The following TP53BP2 variants were observed in gnomAD, a reference collection of about 807,000 sequenced individuals.
TP53BP2 encodes apoptosis-stimulating of p53 protein 2.
TP53BP2 carries 62 observed loss-of-function variants against 126.2 expected under a neutral mutation model. That is an observed-to-expected ratio of 0.49 (90% CI 0.40 to 0.61). The LOEUF (loss-of-function observed/expected upper bound fraction) is 0.61, where lower values mean the gene tolerates loss of function less well. Among genes scored for constraint, TP53BP2 ranks in the 20% least tolerant of loss-of-function variants. TP53BP2 has a pLI of 0.00. For missense variants in TP53BP2, 1,215 were observed against 1,402.8 expected, an observed-to-expected ratio of 0.87 and a Z score of 2.14; for synonymous variants, 485 against 502.9, an observed-to-expected ratio of 0.96 and a Z score of 0.48.
intron 16 of TP53BP2, among the ~76,000 whole-genome samples, chr1:223,788,452 A>C (rs1180551427): frequency 1.3e-5 from 2 of 152,220 alleles, no homozygotes; most frequent in African/African-American, 4.8e-5. Flanking sequence ...ACATATATCT[A>C]TCTAAAACTT....
chr1:223,816,979 G>A (rs1663108802), intron 2 of TP53BP2, among the ~76,000 whole-genome samples: 1 of 151,050 alleles, frequency 6.6e-6, no homozygotes, highest in Non-Finnish European at 1.5e-5. Context: ...AGGCAACATA[G>A]CAAAACCCCA....
chr1:223,845,777 C>A lies in TP53BP2; in HGVS notation c.-97G>T. 8.2e-7 allele frequency: 1 copy of A among 1,218,490 alleles called. No individual in the cohort carries two copies. Among genetic ancestry groups the A allele is most frequent in the African/African-American group, 1.6e-5 (1 of 62,524 alleles). 75.5% of individuals were successfully genotyped at this position (1,218,490 alleles called of 1,614,324 possible). On this transcript the variant is annotated 5_prime_UTR_variant, in exon 1 of 18. In the 5' UTR this introduces an upstream ATG that the reference lacks. Transcript: ENST00000343537. ...GAGCGGAGAGCGAGGCCGCCCGGAC[C>A]TGTTGCGAGGCGGCGGCGGCGGCAG...
chr1:223,844,666 A>G (rs1253317861), intron 1 of TP53BP2, among the ~76,000 whole-genome samples: 1 of 152,212 alleles, frequency 6.6e-6, no homozygotes, highest in Non-Finnish European at 1.5e-5. Context: ...AAGTCGACCC[A>G]GTGAGAGTTT....
In TP53BP2 at chr1:223,796,246, T is replaced by C. The variant is rs144796003; in HGVS notation, c.2293A>G (p.Ile765Val). ...IQKLLYQRTT[I>V]AAMETISVPS... is the part of the protein sequence containing the mutation. ...ACAGAGATGGTCTCCATGGCCGCTA[T>C]GGTGGTCCTCTGATATAAAAGCTTC... The change falls in exon 13 of 18, where the codon ATA (isoleucine) becomes GTA (valine). Residue 765 changes from isoleucine to valine, a missense_variant. Ile to Val is a conservative substitution (Grantham distance 29). This residue lies in a region of TP53BP2 where 46 missense variants were observed against 93.0 expected (regional missense o/e 0.49). Coordinates refer to ENST00000343537, the MANE Select transcript of TP53BP2 (RefSeq NM_001031685.3). The surrounding 1 kb of genome is among the most constrained non-coding windows in gnomAD (Gnocchi z 4.2). 3.1e-6 allele frequency: 5 copies of C among 1,614,142 alleles called. No homozygotes were observed. The highest frequency in any genetic ancestry group is 4.2e-6 in the Non-Finnish European group (5 of 1,180,008).
At chr1:223,817,153 C>A (rs991089852) in intron 2 of TP53BP2, among the ~76,000 whole-genome samples, 1 of 149,592 alleles carries the variant, frequency 6.7e-6, no homozygotes, top group African/African-American at 2.5e-5. Flanking sequence ...CACAGCAAGA[C>A]CTTGTCTCAA....
intron 9 of TP53BP2, chr1:223,801,838 A>G (rs1662536143): frequency 4.1e-6 from 1 of 246,816 alleles, no homozygotes. Context: ...AGTAACAATA[A>G]GGAACTTTTT....
At chr1:223,791,306 A>G (rs1662148495) in intron 15 of TP53BP2, among the ~76,000 whole-genome samples, 1 of 152,120 alleles carries the variant, frequency 6.6e-6, no homozygotes, top group Non-Finnish European at 1.5e-5. Context: ...TTTTAAAAAG[A>G]GCCTGAAGAA....
intron 13 of TP53BP2, among the ~76,000 whole-genome samples, chr1:223,795,344 ATT>A (rs1359944121): frequency 2.4e-4 from 36 of 152,294 alleles, no homozygotes; most frequent in African/African-American, 8.7e-4. Flanking sequence ...AACCCTTCCA[ATT>A]TTACCACTGT....
intron 4 of TP53BP2, among the ~76,000 whole-genome samples, chr1:223,809,761 T>C (rs1662847233): frequency 6.6e-6 from 1 of 152,122 alleles, no homozygotes; most frequent in Non-Finnish European, 1.5e-5. Flanking sequence ...TGAAAAGAAA[T>C]GTCTTCAAAA....
At chr1:223,811,728 C>G (rs1416129297) in intron 3 of TP53BP2, among the ~76,000 whole-genome samples, 1 of 152,124 alleles carries the variant, frequency 6.6e-6, no homozygotes, top group Non-Finnish European at 1.5e-5. Context: ...GTCTCCTAAT[C>G]CTTAATCGAG....
At chr1:223,808,757 C>A (rs1431575508) in intron 4 of TP53BP2, among the ~76,000 whole-genome samples, 1 of 145,316 alleles carries the variant, frequency 6.9e-6, no homozygotes, top group East Asian at 2.0e-4. Flanking sequence ...TGGATCCAGA[C>A]TATTAGAACT....
chr1:223,837,612 A>C (rs1663965407), intron 1 of TP53BP2, among the ~76,000 whole-genome samples: 1 of 57,662 alleles, frequency 1.7e-5, no homozygotes, highest in Non-Finnish European at 4.1e-5. Context: ...AGGTGTGGTA[A>C]AAAATAAAAA....
intron 10 of TP53BP2, among the ~76,000 whole-genome samples, chr1:223,800,357 C>T (rs555195400): frequency 3.3e-5 from 5 of 152,210 alleles, no homozygotes; most frequent in Admixed American, 3.3e-4. Flanking sequence ...GAAGTGGAAG[C>T]GGGTAGATCA....
Position 223,798,484 on chromosome 1 carries a change from A to G in TP53BP2, c.1679T>C (p.Leu560Pro), listed in dbSNP as rs200998694. Residue 560 changes from leucine to proline, a missense_variant, in exon 12 of 18, where the codon CTG becomes CCG. By Grantham distance (98) the Leu-to-Pro change is moderately conservative. This residue lies in a region of TP53BP2 where 814 missense variants were observed against 853.0 expected (regional missense o/e 0.95). Coordinates refer to ENST00000343537, the MANE Select transcript of TP53BP2 (RefSeq NM_001031685.3). ...AACCGAAGGTATGCTGGGAGATAGC[A>G]GCACTCTCGGCTGCTGCCCTGCTGG... is the stretch of plus-strand genomic sequence containing the variant. The part of the protein sequence containing the change: ...PKPAGQQPRV[L>P]LSPSIPSVGQ... 1.7e-4 allele frequency: 276 copies of G among 1,614,204 alleles called. No homozygotes were observed. The highest frequency in any genetic ancestry group is 2.3e-4 in the Non-Finnish European group (266 of 1,180,028).
chr1:223,832,230 A>C (rs1663760580), intron 1 of TP53BP2, among the ~76,000 whole-genome samples: 1 of 152,212 alleles, frequency 6.6e-6, no homozygotes, highest in Non-Finnish European at 1.5e-5. Context: ...CATTTACAAA[A>C]ACTCAAATCC....
intron 1 of TP53BP2, among the ~76,000 whole-genome samples, chr1:223,823,874 T>G (rs574963493): frequency 6.6e-6 from 1 of 152,228 alleles, no homozygotes; most frequent in Non-Finnish European, 1.5e-5. Context: ...TCATTGTAAA[T>G]ATGAAGCTTA....
chr1:223,818,569 A>T (rs1194059918), intron 2 of TP53BP2, among the ~76,000 whole-genome samples: 1 of 150,212 alleles, frequency 6.7e-6, no homozygotes, highest in African/African-American at 2.5e-5. Context: ...TGTTATCATT[A>T]AAAAAAAATT....
At chr1:223,820,164 A>G (rs1663250181) in intron 2 of TP53BP2, among the ~76,000 whole-genome samples, 1 of 152,234 alleles carries the variant, frequency 6.6e-6, no homozygotes, top group Admixed American at 6.5e-5. Context: ...AAACAGTGGG[A>G]ATGGCTATCA....
chr1:223,795,764 G>GT (rs753307626), intron 13 of TP53BP2, 51 bp downstream of exon 13: 6 of 1,383,078 alleles, frequency 4.3e-6, no homozygotes, highest in Non-Finnish European at 4.7e-6. Flanking sequence ...CAAGAAAATC[G>GT]TAACAAAGTA....
Sources: allele counts gnomAD v4.1 joint callset (sites outside exome capture counted in the v4.1 genomes callset), GRCh38; gene constraint gnomAD v4.1.1; regional missense constraint gnomAD v4.1.1; non-coding constraint Gnocchi (gnomAD v3.1); transcripts MANE v1.5; gene names NCBI Gene and HGNC (gene_info 2026-07-23, HGNC 2026-07-21).